The following SNX29 variants were observed in gnomAD, a reference collection of about 807,000 sequenced individuals.
The protein encoded by SNX29 is sorting nexin 29.
SNX29 carries 78 observed loss-of-function variants against 102.1 expected under a neutral mutation model. The observed-to-expected ratio is 0.76, with a 90% CI of 0.64 to 0.92. The LOEUF (loss-of-function observed/expected upper bound fraction) is 0.92, where lower values mean the gene tolerates loss of function less well. Among genes scored for constraint, SNX29 ranks in the 40% least tolerant of loss-of-function variants. SNX29 has a pLI of 0.00. For missense variants in SNX29, 1,280 were observed against 1,061.7 expected, an observed-to-expected ratio of 1.21 and a Z score of -2.86; for synonymous variants, 580 against 414.5, an observed-to-expected ratio of 1.40 and a Z score of -4.85.
At chr16:12,537,253 A>G (rs2077117712) in intron 20 of SNX29, among the ~76,000 whole-genome samples, 1 of 152,100 alleles carries the variant, frequency 6.6e-6, no homozygotes, top group South Asian at 2.1e-4. Flanking sequence ...AAAATAATGT[A>G]CCTTCTTTTC....
intron 11 of SNX29, chr16:12,089,860 C>T (rs1193439276): frequency 2.5e-6 from 1 of 400,522 alleles, no homozygotes; most frequent in Non-Finnish European, 4.9e-6. Context: ...CTCCTTCCCT[C>T]CGCCCTCCCT....
intron 15 of SNX29, among the ~76,000 whole-genome samples, chr16:12,341,127 C>A (rs1485081826): frequency 6.6e-6 from 1 of 152,274 alleles, no homozygotes; most frequent in South Asian, 2.1e-4. Context: ...ATTATTGGAG[C>A]CCAAGGAGAG....
chr16:12,253,660 G>A (rs1218345314), intron 14 of SNX29, among the ~76,000 whole-genome samples: 1 of 152,126 alleles, frequency 6.6e-6, no homozygotes, highest in African/African-American at 2.4e-5. Flanking sequence ...GAGAGGAGGC[G>A]GAGAAGCCAC....
intron 16 of SNX29, among the ~76,000 whole-genome samples, chr16:12,359,248 C>A (rs1240982466): frequency 6.6e-6 from 1 of 152,142 alleles, no homozygotes; most frequent in East Asian, 1.9e-4. Flanking sequence ...GGAGAAACCC[C>A]CACACATTTT....
chr16:12,119,402 G>A (rs987903310), intron 11 of SNX29, among the ~76,000 whole-genome samples: 5 of 152,164 alleles, frequency 3.3e-5, no homozygotes, highest in African/African-American at 1.2e-4. Context: ...TACAAATCTG[G>A]AAAAGTTAAT....
chr16:12,552,883 A>T (rs2078073667), intron 20 of SNX29, among the ~76,000 whole-genome samples: 1 of 152,224 alleles, frequency 6.6e-6, no homozygotes, highest in African/African-American at 2.4e-5. Flanking sequence ...GGAGACATGG[A>T]CATGGAGGCA....
At chr16:12,190,416 G>C (rs988141383) in intron 13 of SNX29, among the ~76,000 whole-genome samples, 1 of 152,214 alleles carries the variant, frequency 6.6e-6, no homozygotes, top group African/African-American at 2.4e-5. Context: ...ATTAAAGTAT[G>C]AGACTTGTTA....
chr16:12,512,242 C>T (rs1597674071), intron 19 of SNX29, among the ~76,000 whole-genome samples: 1 of 150,600 alleles, frequency 6.6e-6, no homozygotes, highest in Non-Finnish European at 1.5e-5. Context: ...GGGAGTGGAG[C>T]CGTGCCAGGT....
intron 3 of SNX29, among the ~76,000 whole-genome samples, chr16:12,010,121 T>G (rs190154882): frequency 3.3e-5 from 5 of 152,338 alleles, no homozygotes; most frequent in Admixed American, 3.3e-4. Flanking sequence ...TTCAGAGGGT[T>G]GTTATGAGTC....
intron 18 of SNX29, among the ~76,000 whole-genome samples, chr16:12,456,051 T>C (rs2086525739): frequency 6.6e-6 from 1 of 152,218 alleles, no homozygotes; most frequent in African/African-American, 2.4e-5. Context: ...TGTTCATTTA[T>C]TCATCTGTTC....
chr16:12,549,361 G>C (rs1660201277), intron 20 of SNX29, among the ~76,000 whole-genome samples: 1 of 152,150 alleles, frequency 6.6e-6, no homozygotes, highest in African/African-American at 2.4e-5. Context: ...CATGGGTGGT[G>C]GTGTGCACCT....
intron 13 of SNX29, among the ~76,000 whole-genome samples, chr16:12,163,788 C>T (rs991793858): frequency 3.9e-5 from 6 of 152,148 alleles, no homozygotes; most frequent in African/African-American, 9.7e-5. Context: ...TTGGAGAGAA[C>T]GGACCATAAG....
intron 20 of SNX29, among the ~76,000 whole-genome samples, chr16:12,556,167 A>C (rs1344138713): frequency 3.3e-5 from 5 of 152,138 alleles, no homozygotes. Context: ...CTTTGTCGCC[A>C]TGACACATCC....
intron 15 of SNX29, among the ~76,000 whole-genome samples, chr16:12,332,246 G>A (rs1267208463): frequency 6.6e-6 from 1 of 152,140 alleles, no homozygotes; most frequent in Non-Finnish European, 1.5e-5. Context: ...GCGTCCTTGT[G>A]TGTGTTTGTG....
At chr16:12,030,342 C>T (rs147042791) in intron 4 of SNX29, among the ~76,000 whole-genome samples, 26 of 152,304 alleles carry the variant, frequency 1.7e-4, no homozygotes, top group African/African-American at 5.8e-4. Flanking sequence ...GCGTACAGCA[C>T]GGGCTTGTCA....
intron 13 of SNX29, among the ~76,000 whole-genome samples, chr16:12,193,184 A>G (rs544768068): frequency 1.8e-4 from 27 of 152,348 alleles, no homozygotes; most frequent in African/African-American, 5.8e-4. Context: ...GCATGTATCA[A>G]TAGTGCATTC....
intron 11 of SNX29, among the ~76,000 whole-genome samples, chr16:12,094,870 T>A (rs577279802): frequency 8.5e-5 from 13 of 152,078 alleles, no homozygotes; most frequent in African/African-American, 2.4e-4. Context: ...GCTTTTTTTT[T>A]AAAACCTCTC....
At chr16:12,338,880 C>T (rs577680026) in intron 15 of SNX29, among the ~76,000 whole-genome samples, 2 of 152,162 alleles carry the variant, frequency 1.3e-5, no homozygotes, top group African/African-American at 4.8e-5. Context: ...AACATATGGC[C>T]CAAAATCATA....
chr16:12,486,651 G>A (rs1244163460), intron 19 of SNX29, among the ~76,000 whole-genome samples: 1 of 152,212 alleles, frequency 6.6e-6, no homozygotes, highest in Non-Finnish European at 1.5e-5. Flanking sequence ...GAGGCTGGAC[G>A]GGCAGAATCA....
Sources: gnomAD v4.1 joint callset for allele counts (sites outside exome capture counted in the v4.1 genomes callset) on GRCh38, gnomAD v4.1.1 for gene constraint, MANE v1.5 for transcripts, NCBI Gene and HGNC (gene_info 2026-07-23, HGNC 2026-07-21) for gene names.